Variants in SF3B1 observed in about 807,000 individuals in gnomAD.
SF3B1 encodes splicing factor 3b subunit 1, also known as pre-mRNA processing 10.
A neutral mutation model predicts 153.8 loss-of-function variants in SF3B1; 12 were observed. The observed-to-expected ratio is 0.08, with a 90% CI of 0.05 to 0.13. The LOEUF is 0.13. Among genes scored for constraint, SF3B1 ranks in the 10% least tolerant of loss-of-function variants. SF3B1 has a pLI of 1.00. For missense variants in SF3B1, 513 were observed against 1,606.1 expected, an observed-to-expected ratio of 0.32 and a Z score of 11.63; for synonymous variants, 498 against 525.2, an observed-to-expected ratio of 0.95 and a Z score of 0.71.
chr2:197,400,572 G>T lies in SF3B1; in HGVS notation c.2719-138C>A. Reference sequence around the variant, plus strand: ...ACATCAAATCTTAAAACTTGAGGTAGAATAATATCGTTTGGTAACCCCCTG... The same window carrying T: ...ACATCAAATCTTAAAACTTGAGGTATAATAATATCGTTTGGTAACCCCCTG... On this transcript the variant is annotated intron_variant, in intron 18 of 24. Coordinates refer to ENST00000335508, the MANE Select transcript of SF3B1 (RefSeq NM_012433.4). The surrounding 1 kb of genome is among the most constrained non-coding windows in gnomAD (Gnocchi z 5.0). 3 of 1,006,464 alleles carry T rather than the reference G, an allele frequency of 3.0e-6. No homozygotes were observed. Among genetic ancestry groups the T allele is most frequent in the Non-Finnish European group, 4.3e-6 (3 of 693,546 alleles). 62.3% of individuals were successfully genotyped at this position (1,006,464 alleles called of 1,614,324 possible). A position where few individuals can be genotyped will look rare whatever the true frequency, so the allele number is the denominator to read the frequency against.
intron 2 of SF3B1, among the ~76,000 whole-genome samples, chr2:197,422,405 A>C (rs560226315): frequency 7.0e-6 from 1 of 143,422 alleles, no homozygotes; most frequent in Admixed American, 6.9e-5. Context: ...GGGGCTTGTC[A>C]TGGGGTGGGG....
chr2:197,404,490 T>C (rs1039837659), intron 11 of SF3B1, among the ~76,000 whole-genome samples: 29 of 152,138 alleles, frequency 1.9e-4, no homozygotes, highest in South Asian at 1.5e-3. Context: ...TGAGGCACAA[T>C]TGCTTGAACC....
chr2:197,409,496 A>G (rs2085038201), intron 7 of SF3B1, among the ~76,000 whole-genome samples: 1 of 152,186 alleles, frequency 6.6e-6, no homozygotes, highest in Non-Finnish European at 1.5e-5. Context: ...TAGGATGTCA[A>G]GGCTACAGTG....
In SF3B1 at chr2:197,417,084, G is replaced by A. The variant is rs1391041872; in HGVS notation, c.496-173C>T. Among the ~76,000 whole-genome samples, 7 of 151,916 alleles carry A rather than the reference G, an allele frequency of 4.6e-5. No homozygotes were observed. In the South Asian group the frequency reaches 1.2e-3, roughly 27 times the overall value. ...TCCATAGTCTGTGCGTCTTTATTTCGTTTTACATAATGCCTTTCTAAACAA... is the reference window on the plus strand; with the variant it reads ...TCCATAGTCTGTGCGTCTTTATTTCATTTTACATAATGCCTTTCTAAACAA... On this transcript the variant is annotated intron_variant, in intron 5 of 24. Coordinates refer to ENST00000335508, the MANE Select transcript of SF3B1 (RefSeq NM_012433.4).
rs2105995899 is a variant in SF3B1, at chr2:197,409,755, C to T, written c.904+15G>A. ...TCAACATTTCACCCACACACCCATA[C>T]TCCACTAGAAGTACCTCTCTCTGTT... is the stretch of plus-strand genomic sequence containing the variant. On this transcript the variant is annotated intron_variant, in intron 7 of 24. Coordinates refer to ENST00000335508, the MANE Select transcript of SF3B1 (RefSeq NM_012433.4). 6.3e-7 allele frequency: 1 copy of T among 1,582,846 alleles called. No homozygotes were observed. Among genetic ancestry groups the T allele is most frequent in the South Asian group, 1.1e-5 (1 of 90,404 alleles).
At chr2:197,394,451 A>C (rs2084852298) in intron 23 of SF3B1, among the ~76,000 whole-genome samples, 1 of 152,198 alleles carries the variant, frequency 6.6e-6, no homozygotes, top group Non-Finnish European at 1.5e-5. Flanking sequence ...TGGGGAGAGG[A>C]ACAAAAGATC....
chr2:197,422,032 TAAATAAA>T (rs1295637139), intron 2 of SF3B1, among the ~76,000 whole-genome samples: 1 of 151,962 alleles, frequency 6.6e-6, no homozygotes, highest in Non-Finnish European at 1.5e-5. Context: ...GTAATAAAAA[TAAATAAA>T]AAATAAAAAG....
Position 197,396,202 on chromosome 2 carries a change from G to C in SF3B1, c.3393C>G (p.Ala1131=). Residue 1131 remains alanine (A), a synonymous_variant, in exon 23 of 25, where the codon GCC becomes GCG. Transcript: ENST00000335508. ...ETCSPFTVLP[A]LMNEYRVPEL... is the part of the protein sequence containing the mutation. ...CAGGAACTCTGTATTCATTCATTAAGGCAGGGAGTACTGTAAAGGGTGAAC... is the reference window on the plus strand; with the variant it reads ...CAGGAACTCTGTATTCATTCATTAACGCAGGGAGTACTGTAAAGGGTGAAC... 1.2e-6 allele frequency: 2 copies of C among 1,613,880 alleles called. No individual in the cohort carries two copies. The highest frequency in any genetic ancestry group is 2.2e-5 in the East Asian group (1 of 44,836).
At chr2:197,403,514 T>C (rs957201943) in intron 12 of SF3B1, 71 bp downstream of exon 12, 9 of 1,018,766 alleles carry the variant, frequency 8.8e-6, no homozygotes, top group Middle Eastern at 5.6e-4. Flanking sequence ...GGAGAATATG[T>C]AAATTTAACA....
chr2:197,397,199 C>T (rs1056379987), intron 22 of SF3B1, among the ~76,000 whole-genome samples: 5 of 152,072 alleles, frequency 3.3e-5, no homozygotes, highest in Non-Finnish European at 5.9e-5. Flanking sequence ...GACAGGGTCT[C>T]GCCCTGTCGC....
chr2:197,399,039 C>T (rs1235388234), intron 20 of SF3B1: 1 of 1,300,178 alleles, frequency 7.7e-7, no homozygotes, highest in Non-Finnish European at 1.0e-6. Flanking sequence ...GTATTTACAC[C>T]TACGAAGAGA....
chr2:197,420,453 T>C lies in SF3B1; in HGVS notation c.390A>G (p.Pro130=), dbSNP rs1378653429. ...KKHRRTMIIS[P]ERLDPFADGG... Reference sequence around the variant, plus strand: ...CATCTGCAAAAGGATCAAGACGCTCTGGGGAAATTATCATGGTCCGCCTAT... The same window carrying C: ...CATCTGCAAAAGGATCAAGACGCTCCGGGGAAATTATCATGGTCCGCCTAT... Residue 130 remains proline (P), a synonymous_variant, in exon 4 of 25, where the codon CCA becomes CCG. Transcript: ENST00000335508. 1 of 1,613,352 alleles carries C rather than the reference T, an allele frequency of 6.2e-7. No homozygotes were observed. The highest frequency in any genetic ancestry group is 1.3e-5 in the African/African-American group (1 of 74,926).
At position 197,432,798 on chromosome 2, in the gene SF3B1, G is replaced by A. The variant is rs142549883; in HGVS notation, c.28+2174C>T. Among the ~76,000 whole-genome samples, 17 of 152,152 alleles carry A rather than the reference G, an allele frequency of 1.1e-4. 1 individual carries two copies. In the East Asian group the frequency reaches 2.7e-3, roughly 24 times the overall value. On this transcript the variant is annotated intron_variant, in intron 1 of 24. Transcript: ENST00000335508. ...GGACAATCGCTTGAACCTAAAAGGC[G>A]GAGGTTGCTGTGAGCCGAGATTGCA...
chr2:197,413,801 C>CTTGTT (rs1449698930), intron 6 of SF3B1, among the ~76,000 whole-genome samples: 2 of 149,274 alleles, frequency 1.3e-5, no homozygotes, highest in South Asian at 2.1e-4. Context: ...TATTGTTGTT[C>CTTGTT]TTGTTTTGTT....
intron 2 of SF3B1, among the ~76,000 whole-genome samples, chr2:197,422,450 A>C (rs2085260227): frequency 1.3e-5 from 2 of 152,078 alleles, no homozygotes; most frequent in African/African-American, 4.8e-5. Context: ...AGATATACCT[A>C]ACGTAAATGA....
chr2:197,419,067 C>T, intron 4 of SF3B1: 1 of 764,756 alleles, frequency 1.3e-6, no homozygotes, highest in Middle Eastern at 2.4e-4. Flanking sequence ...TAGATAAGTT[C>T]TTCATACAGT....
Position 197,408,586 on chromosome 2 carries a change from A to T in SF3B1, c.905-5T>A. On this transcript the variant is annotated splice_region_variant and splice_polypyrimidine_tract_variant and intron_variant, in intron 7 of 24. Coordinates refer to ENST00000335508, the MANE Select transcript of SF3B1 (RefSeq NM_012433.4). ...CACTTCCATGCCCAGGAGTATCTTT[A>T]AAAAGAAAGAGTGAGTAAAACCACA... 2 of 1,601,634 alleles carry T rather than the reference A, an allele frequency of 1.2e-6. No homozygotes were observed. Among genetic ancestry groups the T allele is most frequent in the East Asian group, 4.5e-5 (2 of 44,832 alleles).
chr2:197,417,604 A>G (rs1427002814), intron 5 of SF3B1, among the ~76,000 whole-genome samples: 1 of 149,690 alleles, frequency 6.7e-6, no homozygotes, highest in Non-Finnish European at 1.5e-5. Context: ...AAGAAATATG[A>G]AAATTAGCCA....
At position 197,404,865 on chromosome 2, in the gene SF3B1, A is replaced by G. The variant is rs142354622; in HGVS notation, c.1539+211T>C. ...TTTGTGGTCTACATTTCCTGGTGAA[A>G]AAATTAAAAACATTTTTAAAAATAT... On this transcript the variant is annotated intron_variant, in intron 11 of 24. Transcript: ENST00000335508. 1.1e-3 allele frequency: 467 copies of G among 419,744 alleles called. 5 individuals carry two copies. The highest frequency in any genetic ancestry group is 9.4e-3 in the African/African-American group (448 of 47,880). 26.0% of individuals were successfully genotyped at this position (419,744 alleles called of 1,614,324 possible).
Sources: gnomAD v4.1 joint callset for allele counts (sites outside exome capture counted in the v4.1 genomes callset) on GRCh38, gnomAD v4.1.1 for gene constraint, Gnocchi (gnomAD v3.1) non-coding constraint, MANE v1.5 for transcripts, NCBI Gene and HGNC (gene_info 2026-07-23, HGNC 2026-07-21) for gene names.